Variants in RANBP2 observed in about 807,000 individuals in gnomAD.
The protein encoded by RANBP2 is E3 SUMO-protein ligase RanBP2.
In RANBP2, 57 loss-of-function variants were observed where a neutral mutation model predicts 303.6. That is an observed-to-expected ratio of 0.19 (90% CI 0.15 to 0.23). The LOEUF is 0.23. Ranked by LOEUF, RANBP2 falls within the 10% of genes least tolerant of loss-of-function variation. RANBP2 has a pLI of 1.00. For missense variants in RANBP2, 3,138 were observed against 3,780.8 expected (o/e 0.83, Z 4.46); for synonymous variants, 1,167 against 1,301.5 (o/e 0.90, Z 2.23).
the RANBP2 span, among the ~76,000 whole-genome samples, chr2:109,028,260 G>A: frequency 4.6e-5 from 7 of 152,308 alleles, no homozygotes; most frequent in East Asian, 9.7e-4. Context: ...GACAGAGTGA[G>A]ACCCTGTCTC....
chr2:109,454,137 G>T, the RANBP2 span, among the ~76,000 whole-genome samples: 7 of 152,168 alleles, frequency 4.6e-5, no homozygotes, highest in African/African-American at 1.7e-4. Flanking sequence ...GAAAACAAAG[G>T]TACTGCTTAA....
At chr2:109,122,446 T>G in the RANBP2 span, among the ~76,000 whole-genome samples, 2 of 152,232 alleles carry the variant, frequency 1.3e-5, no homozygotes, top group African/African-American at 4.8e-5. Flanking sequence ...TGCTGAGGAC[T>G]GCCCCTGGTG....
chr2:109,191,737 C>T, the RANBP2 span, among the ~76,000 whole-genome samples: 1 of 152,130 alleles, frequency 6.6e-6, no homozygotes, highest in Non-Finnish European at 1.5e-5. Context: ...GAGGGGAAGC[C>T]CTGAGCCAGG....
At chr2:108,838,121 A>G in the RANBP2 span, among the ~76,000 whole-genome samples, 1 of 152,108 alleles carries the variant, frequency 6.6e-6, no homozygotes, top group South Asian at 2.1e-4. Context: ...CTCTGGTAAG[A>G]TTACGGCAGA....
At chr2:109,067,881 T>C in the RANBP2 span, among the ~76,000 whole-genome samples, 1 of 152,212 alleles carries the variant, frequency 6.6e-6, no homozygotes, top group East Asian at 1.9e-4. Flanking sequence ...CACCCTGTTC[T>C]GACCCTGGCA....
the RANBP2 span, among the ~76,000 whole-genome samples, chr2:109,495,064 G>A: frequency 0.26 from 38,784 of 152,058 alleles, 5,306 homozygotes; most frequent in East Asian, 0.5. Flanking sequence ...CCAAGCCCAC[G>A]AGCCTGGGGT....
At chr2:109,213,024 A>G in the RANBP2 span, among the ~76,000 whole-genome samples, 5 of 152,366 alleles carry the variant, frequency 3.3e-5, no homozygotes, top group Admixed American at 3.3e-4. Flanking sequence ...GCAGCAGGGT[A>G]GGAGTGCACT....
chr2:109,336,892 T>C, the RANBP2 span, among the ~76,000 whole-genome samples: 3 of 152,142 alleles, frequency 2.0e-5, no homozygotes, highest in African/African-American at 7.2e-5. Flanking sequence ...GCTCAGTTCC[T>C]CCTGTCCCAG....
At chr2:108,877,781 C>T in the RANBP2 span, among the ~76,000 whole-genome samples, 247 of 152,248 alleles carry the variant, frequency 1.6e-3, 2 homozygotes, top group Non-Finnish European at 2.7e-3. Context: ...ATTGAAAGGG[C>T]TCATCATGTT....
chr2:109,500,080 G>A, the RANBP2 span, among the ~76,000 whole-genome samples: 4 of 152,146 alleles, frequency 2.6e-5, no homozygotes, highest in African/African-American at 9.7e-5. Context: ...GTGTGTGGCT[G>A]TCCTCAGGTG....
At chr2:108,851,109 G>A in the RANBP2 span, among the ~76,000 whole-genome samples, 18 of 152,230 alleles carry the variant, frequency 1.2e-4, no homozygotes, top group Admixed American at 2.0e-4. Context: ...AGAACTCAGC[G>A]AAACACTTAA....
chr2:109,022,789 G>T, the RANBP2 span, among the ~76,000 whole-genome samples: 1 of 152,180 alleles, frequency 6.6e-6, no homozygotes, highest in Non-Finnish European at 1.5e-5. Flanking sequence ...GGTGGCTCAC[G>T]CATGTAATCC....
the RANBP2 span, chr2:109,760,430 C>A: frequency 1.1e-6 from 1 of 925,380 alleles, no homozygotes; most frequent in African/African-American, 2.1e-5. Context: ...GCGGCGGCGG[C>A]GCAGGGCCGG....
the RANBP2 span, among the ~76,000 whole-genome samples, chr2:109,673,637 G>T: frequency 6.6e-6 from 1 of 152,180 alleles, no homozygotes; most frequent in African/African-American, 2.4e-5. Flanking sequence ...GCCAAGGCAG[G>T]TGGATCACCT....
At chr2:109,766,705 A>G in the RANBP2 span, among the ~76,000 whole-genome samples, 22 of 115,804 alleles carry the variant, frequency 1.9e-4, no homozygotes, top group African/African-American at 9.0e-4. Flanking sequence ...ATTAATAGGC[A>G]AATTAAGAAA....
the RANBP2 span, chr2:109,419,543 T>C: frequency 1.3e-6 from 2 of 1,593,778 alleles, no homozygotes; most frequent in Non-Finnish European, 1.7e-6. Flanking sequence ...TTCCAGGATG[T>C]CTCCTCCTCG....
At chr2:109,478,844 C>T in the RANBP2 span, among the ~76,000 whole-genome samples, 4 of 152,296 alleles carry the variant, frequency 2.6e-5, no homozygotes, top group South Asian at 8.3e-4. Context: ...CATAACAAAT[C>T]ATCTCAAAAC....
At chr2:109,179,003 A>ATGTGTG in the RANBP2 span, among the ~76,000 whole-genome samples, 6,505 of 142,064 alleles carry the variant, frequency 0.046, 240 homozygotes, top group African/African-American at 0.1. Context: ...AAGTATAATA[A>ATGTGTG]TGTGTGTGTG....
chr2:108,756,426 A>G (rs1676320950), intron 17 of RANBP2, among the ~76,000 whole-genome samples: 1 of 152,222 alleles, frequency 6.6e-6, no homozygotes, highest in Non-Finnish European at 1.5e-5. Context: ...TTTATCAGGC[A>G]AGAACTAAAT....
Sources: gnomAD v4.1 joint callset for allele counts (sites outside exome capture counted in the v4.1 genomes callset) on GRCh38, gnomAD v4.1.1 for gene constraint, MANE v1.5 for transcripts, NCBI Gene and HGNC (gene_info 2026-07-23, HGNC 2026-07-21) for gene names.